The following C5AR2 variants were observed in gnomAD, a reference collection of about 807,000 sequenced individuals.
C5AR2 encodes the protein complement C5a receptor 2, also known as C5a anaphylatoxin chemotactic receptor 2.
For synonymous variants in C5AR2, 224 were observed against 216.5 expected, an observed-to-expected ratio of 1.03 and a Z score of -0.30; for missense variants, 458 against 467.5, an observed-to-expected ratio of 0.98 and a Z score of 0.19.
rs1969089199 is a variant in C5AR2, at chr19:47,344,384, C to T, written c.*2571C>T. On this transcript the variant is annotated 3_prime_UTR_variant, in exon 2 of 2. Coordinates refer to ENST00000595464, the MANE Select transcript of C5AR2 (RefSeq NM_001271749.2). ...TAAATAAATAACATAGTAGTGATAC[C>T]TGTGTCTGCGGTCATTACTCCAGAA... The T allele has an allele frequency of 6.6e-6, 1 of 152,080 alleles. No individual in the cohort carries two copies. Among genetic ancestry groups the T allele is most frequent in the Non-Finnish European group, 1.5e-5 (1 of 68,056 alleles). 9.4% of individuals were successfully genotyped at this position (152,080 alleles called of 1,614,324 possible).
intron 1 of C5AR2, among the ~76,000 whole-genome samples, chr19:47,336,071 G>C (rs1045942881): frequency 6.6e-6 from 1 of 151,830 alleles, no homozygotes; most frequent in African/African-American, 2.4e-5. Context: ...AGGAATTTGA[G>C]GGTTTTTGTT....
rs776546674 is a variant in C5AR2 at position 47,340,963 on chromosome 19, TG to T, written c.166del (p.Val56TrpfsTer61). 6.4e-5 allele frequency: 103 copies of T among 1,611,402 alleles called. No homozygotes were observed. Among genetic ancestry groups the T allele is most frequent in the Non-Finnish European group, 8.2e-5 (97 of 1,179,896 alleles). ...CTGGTGGGGGTGCCGGGCAATGCCATGGTGGCCTGGGTGGCTGGGAAGGTGG... is the reference window on the plus strand; with the variant it reads ...CTGGTGGGGGTGCCGGGCAATGCCATGTGGCCTGGGTGGCTGGGAAGGTGG... ...IFLVGVPGNA[M>X]VAWVAGKVAR... On this transcript the variant is annotated frameshift_variant, in exon 2 of 2. Transcript: ENST00000595464. LOFTEE classifies it low-confidence loss of function (END_TRUNC).
At position 47,343,535 on chromosome 19, in the gene C5AR2, G is replaced by A. The variant is rs1969075918; in HGVS notation, c.*1722G>A. 6.6e-6 allele frequency: 1 copy of A among 152,202 alleles called. No homozygotes were observed. The highest frequency in any genetic ancestry group is 1.5e-5 in the Non-Finnish European group (1 of 68,092). 9.4% of individuals were successfully genotyped at this position (152,202 alleles called of 1,614,324 possible). A position where few individuals can be genotyped will look rare whatever the true frequency, so the allele number is the denominator to read the frequency against. On this transcript the variant is annotated 3_prime_UTR_variant, in exon 2 of 2. Transcript: ENST00000595464. Reference sequence around the variant, plus strand: ...AATTCGAATCAATTGGCCAGGCCTGGTGGCTCCTGCCTATAATCTCAGCAC... The same window carrying A: ...AATTCGAATCAATTGGCCAGGCCTGATGGCTCCTGCCTATAATCTCAGCAC...
In C5AR2 at chr19:47,344,156, A is replaced by G. The variant is rs1969084875; in HGVS notation, c.*2343A>G. 6.6e-6 allele frequency: 1 copy of G among 152,216 alleles called. No individual in the cohort carries two copies. The highest frequency in any genetic ancestry group is 1.5e-5 in the Non-Finnish European group (1 of 68,080). The allele number at this position is 152,216 out of a possible 1,614,324, so 9.4% of individuals were successfully genotyped here. ...CAGAAGCTGGAGACCTGCCTGGGCAACAGAGCAAGACCCCATCTCTACAAA... is the reference window on the plus strand; with the variant it reads ...CAGAAGCTGGAGACCTGCCTGGGCAGCAGAGCAAGACCCCATCTCTACAAA... On this transcript the variant is annotated 3_prime_UTR_variant, in exon 2 of 2. Transcript: ENST00000595464.
In C5AR2 at chr19:47,341,260, C is replaced by T; in HGVS notation, c.461C>T (p.Ala154Val). 1 of 1,604,054 alleles carries T rather than the reference C, an allele frequency of 6.2e-7. No homozygotes were observed. Among genetic ancestry groups the T allele is most frequent in the Non-Finnish European group, 8.5e-7 (1 of 1,179,856 alleles). ...TVQRACGVQV[A>V]CGAAWTLALL... ...CAGCGGGCGTGCGGGGTGCAGGTGG[C>T]CTGTGGGGCAGCCTGGACACTGGCC... Residue 154 changes from alanine to valine, a missense_variant, in exon 2 of 2, where the codon GCC becomes GTC. By Grantham distance (64) the Ala-to-Val change is moderately conservative. Coordinates refer to ENST00000595464, the MANE Select transcript of C5AR2 (RefSeq NM_001271749.2). The surrounding 1 kb of genome is among the most constrained non-coding windows in gnomAD (Gnocchi z 4.6).
rs959293375 is a variant in C5AR2, at chr19:47,347,006, T to C, written c.*5193T>C. ...TTAGCCCTTCTTTTTTGAACTGGAA[T>C]ACATTTCACGGGAATTTTCAAATTT... On this transcript the variant is annotated 3_prime_UTR_variant, in exon 2 of 2. Coordinates refer to ENST00000595464, the MANE Select transcript of C5AR2 (RefSeq NM_001271749.2). The C allele has an allele frequency of 3.3e-5, 5 of 152,224 alleles. No individual in the cohort carries two copies. Among genetic ancestry groups the C allele is most frequent in the Admixed American group, 3.3e-4 (5 of 15,276 alleles). The allele number at this position is 152,224 out of a possible 1,614,324, so 9.4% of individuals were successfully genotyped here.
chr19:47,333,789 C>T (rs1361484099), intron 1 of C5AR2, among the ~76,000 whole-genome samples: 2 of 151,956 alleles, frequency 1.3e-5, no homozygotes, highest in African/African-American at 4.8e-5. Context: ...CCATGTTAGC[C>T]AGGATGGTCT....
intron 1 of C5AR2, among the ~76,000 whole-genome samples, chr19:47,334,495 T>C (rs1195649951): frequency 6.8e-6 from 1 of 147,234 alleles, no homozygotes; most frequent in Non-Finnish European, 1.5e-5. Flanking sequence ...TAGCTGGGCA[T>C]GATGGCGTGC....
intron 1 of C5AR2, 47 bp from the exon 2 acceptor site, chr19:47,340,738 A>G (rs1418686208): frequency 1.3e-6 from 2 of 1,584,266 alleles, no homozygotes; most frequent in Non-Finnish European, 8.7e-7. Flanking sequence ...CTCCAGGGCC[A>G]TGGAGTTTCC....
At position 47,341,310 on chromosome 19, in the gene C5AR2, A is replaced by G. The variant is rs1969021730; in HGVS notation, c.511A>G (p.Ile171Val). The change falls in exon 2 of 2, where the codon ATC becomes GTC. Residue 171 changes from isoleucine to valine, a missense_variant. Ile to Val is a conservative substitution (Grantham distance 29). Transcript: ENST00000595464. This position sits in a 1 kb window ranked among gnomAD's most constrained non-coding sequence, Gnocchi z 4.6. ...CTTGCTGCTCACCGTGCCCTCCGCCATCTACCGCCGGCTGCACCAGGAGCA... is the reference window on the plus strand; with the variant it reads ...CTTGCTGCTCACCGTGCCCTCCGCCGTCTACCGCCGGCTGCACCAGGAGCA... The part of the protein sequence containing the change: ...LALLLTVPSA[I>V]YRRLHQEHFP... 6.8e-6 allele frequency: 11 copies of G among 1,609,928 alleles called. No homozygotes were observed. The highest frequency in any genetic ancestry group is 1.6e-4 in the Middle Eastern group (1 of 6,062).
rs1308220557 is a variant in C5AR2, at chr19:47,346,005, GC to G, written c.*4194del. 2.6e-5 allele frequency: 4 copies of G among 152,292 alleles called. No individual in the cohort carries two copies. The highest frequency in any genetic ancestry group is 9.6e-5 in the African/African-American group (4 of 41,542). The allele number at this position is 152,292 out of a possible 1,614,324, so 9.4% of individuals were successfully genotyped here. On this transcript the variant is annotated 3_prime_UTR_variant, in exon 2 of 2. Coordinates refer to ENST00000595464, the MANE Select transcript of C5AR2 (RefSeq NM_001271749.2). ...GGATTCAAGTGATTCTCCTGCCGCAGCCTCCCGAGTAGCTGGGACTACAGGC... is the reference window on the plus strand; with the variant it reads ...GGATTCAAGTGATTCTCCTGCCGCAGCTCCCGAGTAGCTGGGACTACAGGC...
At position 47,341,080 on chromosome 19, in the gene C5AR2, T is replaced by C; in HGVS notation, c.281T>C (p.Ile94Thr). The C allele has an allele frequency of 6.2e-7, 1 of 1,605,450 alleles. No homozygotes were observed. Among genetic ancestry groups the C allele is most frequent in the South Asian group, 1.1e-5 (1 of 91,090 alleles). The change falls in exon 2 of 2, where the codon ATT becomes ACT. Residue 94 changes from isoleucine to threonine, a missense_variant. Transcript: ENST00000595464. The surrounding 1 kb of genome is among the most constrained non-coding windows in gnomAD (Gnocchi z 4.6). ...CLSLPILAVP[I>T]ARGGHWPYGA... is the part of the protein sequence containing the mutation. Reference sequence around the variant, plus strand: ...TCTCTGCCCATCCTGGCAGTGCCCATTGCCCGTGGAGGCCACTGGCCGTAT... The same window carrying C: ...TCTCTGCCCATCCTGGCAGTGCCCACTGCCCGTGGAGGCCACTGGCCGTAT...
Position 47,340,894 on chromosome 19 carries a change from A to G in C5AR2, c.95A>G (p.Asp32Gly). Reference protein sequence around the residue: ...DCLDGACLAIDPLRVAPLPLY... With the variant: ...DCLDGACLAIGPLRVAPLPLY... ...CTGGATGGCGCCTGCCTGGCCATCGACCCGCTGCGCGTGGCCCCGCTCCCA... is the reference window on the plus strand; with the variant it reads ...CTGGATGGCGCCTGCCTGGCCATCGGCCCGCTGCGCGTGGCCCCGCTCCCA... Residue 32 changes from aspartate (D) to glycine (G), a missense_variant, in exon 2 of 2, where the codon GAC (aspartate) becomes GGC (glycine). Asp to Gly is a moderately conservative substitution (Grantham distance 94). Transcript: ENST00000595464. 6.2e-7 allele frequency: 1 copy of G among 1,613,270 alleles called. No homozygotes were observed. Among genetic ancestry groups the G allele is most frequent in the African/African-American group, 1.3e-5 (1 of 75,044 alleles).
chr19:47,334,782 G>A (rs1029292031), intron 1 of C5AR2, among the ~76,000 whole-genome samples: 37 of 151,954 alleles, frequency 2.4e-4, no homozygotes, highest in African/African-American at 8.9e-4. Context: ...GCAGTGGCGC[G>A]ATCTTGGCTC....
intron 1 of C5AR2, among the ~76,000 whole-genome samples, chr19:47,335,609 A>G (rs925978970): frequency 4.6e-5 from 7 of 150,992 alleles, no homozygotes; most frequent in Admixed American, 1.3e-4. Flanking sequence ...TGTCTCTACT[A>G]AAAATACAAA....
In C5AR2 at chr19:47,341,453, C is replaced by G; in HGVS notation, c.654C>G (p.Ser218Arg). 1 of 1,611,986 alleles carries G rather than the reference C, an allele frequency of 6.2e-7. No homozygotes were observed. The highest frequency in any genetic ancestry group is 8.5e-7 in the Non-Finnish European group (1 of 1,179,912). The change falls in exon 2 of 2, where the codon AGC becomes AGG. Residue 218 changes from serine (S) to arginine (R), a missense_variant. By Grantham distance (110) the Ser-to-Arg change is moderately radical. Coordinates refer to ENST00000595464, the MANE Select transcript of C5AR2 (RefSeq NM_001271749.2). This position sits in a 1 kb window ranked among gnomAD's most constrained non-coding sequence, Gnocchi z 4.6. ...TGGGGCCCCTGGTGGCCGTGGCCAG[C>G]TGCCACAGTGCCCTCCTGTGCTGGG... is the stretch of plus-strand genomic sequence containing the variant. ...GFLGPLVAVA[S>R]CHSALLCWAA...
intron 1 of C5AR2, among the ~76,000 whole-genome samples, chr19:47,339,357 C>T (rs2059373175): frequency 7.3e-5 from 11 of 151,402 alleles, no homozygotes; most frequent in Non-Finnish European, 1.5e-5. Flanking sequence ...TGCTCTGTTG[C>T]CCAGGCTGGA....
intron 1 of C5AR2, among the ~76,000 whole-genome samples, chr19:47,339,714 T>C (rs1022986551): frequency 6.6e-6 from 1 of 152,216 alleles, no homozygotes; most frequent in Non-Finnish European, 1.5e-5. Flanking sequence ...ACCGTCATGT[T>C]CCCACCTCAG....
intron 1 of C5AR2, among the ~76,000 whole-genome samples, chr19:47,333,772 G>T (rs374597419): frequency 2.0e-5 from 3 of 151,938 alleles, no homozygotes; most frequent in African/African-American, 7.2e-5. Flanking sequence ...GTAGAGATGG[G>T]GTTTCACCAT....
Sources: allele counts gnomAD v4.1 joint callset (sites outside exome capture counted in the v4.1 genomes callset), GRCh38; gene constraint gnomAD v4.1.1; non-coding constraint Gnocchi (gnomAD v3.1); transcripts MANE v1.5; gene names NCBI Gene and HGNC (gene_info 2026-07-23, HGNC 2026-07-21).